Variants in CNR2 observed in about 807,000 individuals in gnomAD.
CNR2 encodes the protein cannabinoid receptor 2.
For missense variants in CNR2, 379 were observed against 439.9 expected, an observed-to-expected ratio of 0.86 and a Z score of 1.24; for synonymous variants, 172 against 182.2, an observed-to-expected ratio of 0.94 and a Z score of 0.45.
chr1:23,888,983 T>G (rs61778196), intron 1 of CNR2, among the ~76,000 whole-genome samples: 128,230 of 151,604 alleles, frequency 0.85, 54,319 homozygotes, highest in Admixed American at 0.86. Flanking sequence ...AATAAATAAA[T>G]AAATAAAGAA....
chr1:23,884,807 T>TG (rs2148461880), intron 1 of CNR2, among the ~76,000 whole-genome samples: 2 of 12,942 alleles, frequency 1.5e-4, no homozygotes, highest in East Asian at 6.3e-4. Flanking sequence ...AAAAACAATT[T>TG]TTTTTTTTTT....
At chr1:23,909,396 G>T (rs1445291309) in intron 1 of CNR2, among the ~76,000 whole-genome samples, 5 of 152,166 alleles carry the variant, frequency 3.3e-5, no homozygotes, top group African/African-American at 4.8e-5. Flanking sequence ...GCATAGCTGG[G>T]GACCGAGAGC....
At chr1:23,896,556 T>C (rs1180828394) in intron 1 of CNR2, among the ~76,000 whole-genome samples, 1 of 152,222 alleles carries the variant, frequency 6.6e-6, no homozygotes, top group East Asian at 1.9e-4. Context: ...TCTTTGCTAG[T>C]TGGTAACCAA....
chr1:23,876,195 T>TTGTA (rs1553139639), intron 1 of CNR2, among the ~76,000 whole-genome samples: 1 of 147,542 alleles, frequency 6.8e-6, no homozygotes, highest in Admixed American at 6.8e-5. Context: ...TTATTTTAAT[T>TTGTA]TTTATTTATT....
chr1:23,902,310 T>A, intron 1 of CNR2: 3 of 1,539,944 alleles, frequency 1.9e-6, no homozygotes, highest in Non-Finnish European at 2.6e-6. Context: ...GTCGATGACC[T>A]CCCAGCAGCG....
At chr1:23,886,230 A>G (rs1640087289) in intron 1 of CNR2, among the ~76,000 whole-genome samples, 1 of 151,808 alleles carries the variant, frequency 6.6e-6, no homozygotes, top group African/African-American at 2.4e-5. Context: ...GTGCATTATA[A>G]GAGCTCAATA....
At chr1:23,901,478 TAGA>T (rs1640397901) in intron 1 of CNR2, 1 of 1,560,128 alleles carries the variant, frequency 6.4e-7, no homozygotes, top group Non-Finnish European at 8.7e-7. Context: ...ACCTCAGGCA[TAGA>T]AGATGAGCTC....
chr1:23,902,311 C>G, intron 1 of CNR2: 2 of 1,541,694 alleles, frequency 1.3e-6, no homozygotes, highest in Non-Finnish European at 1.8e-6. Flanking sequence ...TCGATGACCT[C>G]CCAGCAGCGC....
intron 1 of CNR2, among the ~76,000 whole-genome samples, chr1:23,905,581 G>C (rs1266198315): frequency 6.6e-6 from 1 of 151,916 alleles, no homozygotes; most frequent in Admixed American, 6.6e-5. Context: ...TCTGTAGTTG[G>C]GGAAACCAGC....
At chr1:23,905,576 A>G (rs920260232) in intron 1 of CNR2, among the ~76,000 whole-genome samples, 7 of 151,996 alleles carry the variant, frequency 4.6e-5, no homozygotes, top group Admixed American at 2.0e-4. Context: ...CCTGTTCTGT[A>G]GTTGGGGAAA....
intron 1 of CNR2, among the ~76,000 whole-genome samples, chr1:23,900,474 A>G (rs1363773093): frequency 6.8e-6 from 1 of 146,650 alleles, no homozygotes; most frequent in Admixed American, 6.8e-5. Flanking sequence ...TCTCTCTTAT[A>G]CTTCTGGGCA....
intron 1 of CNR2, among the ~76,000 whole-genome samples, chr1:23,880,729 C>A (rs2148459423): frequency 6.6e-6 from 1 of 151,282 alleles, no homozygotes; most frequent in East Asian, 2.0e-4. Flanking sequence ...CCAGGCATGG[C>A]TTTTTTTAAT....
rs1244080724 is a variant in CNR2, at chr1:23,875,284, T to G, written c.334A>C (p.Ser112Arg). 1 of 1,614,178 alleles carries G rather than the reference T, an allele frequency of 6.2e-7. No homozygotes were observed. Among genetic ancestry groups the G allele is most frequent in the Non-Finnish European group, 8.5e-7 (1 of 1,180,038 alleles). The change falls in exon 2 of 2, where the codon AGC becomes CGC. Residue 112 changes from serine to arginine, a missense_variant. Transcript: ENST00000374472. Reference protein sequence around the residue: ...SKAVFLLKIGSVTMTFTASVG... With the variant: ...SKAVFLLKIGRVTMTFTASVG... ...GAGGCTGTGAAGGTCATAGTCACGC[T>G]GCCAATCTTCAGCAGGAAGACAGCC...
At chr1:23,879,498 A>G (rs909250014) in intron 1 of CNR2, among the ~76,000 whole-genome samples, 1 of 152,112 alleles carries the variant, frequency 6.6e-6, no homozygotes, top group African/African-American at 2.4e-5. Flanking sequence ...CTGTATTCCC[A>G]TTTACCTGGG....
intron 1 of CNR2, among the ~76,000 whole-genome samples, chr1:23,895,020 G>C (rs528972698): frequency 6.6e-6 from 1 of 152,198 alleles, no homozygotes; most frequent in African/African-American, 2.4e-5. Flanking sequence ...AGGAGTTTGA[G>C]ACCAGCCTGG....
In CNR2 at chr1:23,901,214, G is replaced by A. The variant is rs192088894; in HGVS notation, c.-46+12032C>T. Among the ~76,000 whole-genome samples, 46 of 152,188 alleles carry A rather than the reference G, an allele frequency of 3.0e-4. No individual in the cohort carries two copies. The Middle Eastern group carries it at 0.01, about 34-fold the overall frequency. On this transcript the variant is annotated intron_variant, in intron 1 of 1. Transcript: ENST00000374472. ...AGGTGGCATGGGTGCCATTGGGAGG[G>A]GATCTGGGGCCTGTCTTGTGCCCTA...
At chr1:23,888,757 G>T (rs1030934110) in intron 1 of CNR2, among the ~76,000 whole-genome samples, 4 of 152,090 alleles carry the variant, frequency 2.6e-5, no homozygotes, top group Non-Finnish European at 5.9e-5. Flanking sequence ...GATCACTTGA[G>T]GTCAGGAGTT....
At chr1:23,897,310 G>A (rs1193864206) in intron 1 of CNR2, among the ~76,000 whole-genome samples, 1 of 152,086 alleles carries the variant, frequency 6.6e-6, no homozygotes, top group Non-Finnish European at 1.5e-5. Context: ...ACGAAAGCCT[G>A]GGGCAGAAGT....
chr1:23,908,931 G>A (rs934520987), intron 1 of CNR2, among the ~76,000 whole-genome samples: 3 of 152,134 alleles, frequency 2.0e-5, no homozygotes, highest in East Asian at 3.9e-4. Flanking sequence ...GACAGGTGGG[G>A]TGGTGGGGGT....
Sources: allele counts gnomAD v4.1 joint callset (sites outside exome capture counted in the v4.1 genomes callset), GRCh38; gene constraint gnomAD v4.1.1; transcripts MANE v1.5; gene names NCBI Gene and HGNC (gene_info 2026-07-23, HGNC 2026-07-21).